Variants in GNG4 observed in about 807,000 individuals in gnomAD.
The protein encoded by GNG4 is G protein subunit gamma 4.
In GNG4, 4 loss-of-function variants were observed where a neutral mutation model predicts 5.8. The ratio of observed to expected loss-of-function variants is 0.69; its 90% CI spans 0.34 to 1.57. GNG4 has a LOEUF of 1.57. Ranked by LOEUF, GNG4 falls within the 40% of genes most tolerant of loss-of-function variation. GNG4 has a pLI of 0.06. For synonymous variants in GNG4, 29 were observed against 32.9 expected, an observed-to-expected ratio of 0.88 and a Z score of 0.41; for missense variants, 96 against 95.1, an observed-to-expected ratio of 1.01 and a Z score of -0.04.
At chr1:235,598,091 C>T (rs936872397) in intron 1 of GNG4, among the ~76,000 whole-genome samples, 1 of 152,138 alleles carries the variant, frequency 6.6e-6, no homozygotes, top group African/African-American at 2.4e-5. Context: ...ACTACACTCC[C>T]CAGCCCACTG....
At position 235,580,742 on chromosome 1, in the gene GNG4, TTTTG is replaced by T. The variant is rs1332631624; in HGVS notation, c.99+2994_99+2997del. Reference sequence around the variant, plus strand: ...CAGCAACATGGCGGCCTATCCCGTTTTTTGTTTTTTTTTTTTTTTTTTTCCTGAG... The same window carrying T: ...CAGCAACATGGCGGCCTATCCCGTTTTTTTTTTTTTTTTTTTTTTCCTGAG... On this transcript the variant is annotated intron_variant, in intron 3 of 3. Transcript: ENST00000391854. Among the ~76,000 whole-genome samples the T allele has an allele frequency of 2.3e-3, 293 of 129,930 alleles. 9 individuals are homozygous for T. The highest frequency in any genetic ancestry group is 0.01 in the African/African-American group (280 of 26,702). 85.2% of individuals were successfully genotyped at this position (129,930 alleles called of 152,430 possible). A position where few individuals can be genotyped will look rare whatever the true frequency, so the allele number is the denominator to read the frequency against.
At chr1:235,561,456 G>A (rs150099477) in intron 3 of GNG4, among the ~76,000 whole-genome samples, 5 of 151,552 alleles carry the variant, frequency 3.3e-5, no homozygotes, top group African/African-American at 7.3e-5. Flanking sequence ...TCTGCCACCC[G>A]GCTGGACTGC....
rs556050359 is a variant in GNG4, at chr1:235,559,390, T to G, written c.100-7153A>C. Among the ~76,000 whole-genome samples, 12 of 152,274 alleles carry G rather than the reference T, an allele frequency of 7.9e-5. No homozygotes were observed. In the South Asian group the frequency reaches 2.3e-3, roughly 29 times the overall value. On this transcript the variant is annotated intron_variant, in intron 3 of 3. Transcript: ENST00000391854. Reference sequence around the variant, plus strand: ...ACATTACAGGTATATACCTCACCTTTAAATTCTCAGAAAGCACTGCAGGGT... The same window carrying G: ...ACATTACAGGTATATACCTCACCTTGAAATTCTCAGAAAGCACTGCAGGGT...
intron 1 of GNG4, among the ~76,000 whole-genome samples, chr1:235,610,594 G>T (rs1226550636): frequency 6.6e-6 from 1 of 152,116 alleles, no homozygotes; most frequent in Non-Finnish European, 1.5e-5. Context: ...AATTGTCCTG[G>T]ATTTGGCCAG....
chr1:235,591,819 T>G (rs1199217945), intron 2 of GNG4, among the ~76,000 whole-genome samples: 1 of 152,168 alleles, frequency 6.6e-6, no homozygotes, highest in African/African-American at 2.4e-5. Flanking sequence ...TCTTCCCAGG[T>G]ATACAGGAAT....
chr1:235,617,410 G>A (rs1239337396), intron 1 of GNG4, among the ~76,000 whole-genome samples: 1 of 152,162 alleles, frequency 6.6e-6, no homozygotes, highest in Non-Finnish European at 1.5e-5. Flanking sequence ...CAGAATGCTG[G>A]GTATTGATTT....
At chr1:235,561,462 A>G (rs2102917824) in intron 3 of GNG4, among the ~76,000 whole-genome samples, 1 of 151,334 alleles carries the variant, frequency 6.6e-6, no homozygotes, top group East Asian at 1.9e-4. Flanking sequence ...ACCCGGCTGG[A>G]CTGCAGTGGT....
Position 235,556,604 on chromosome 1 carries a change from C to T in GNG4, c.100-4367G>A, listed in dbSNP as rs192307006. ...GAGACAGCCAGAATTTGAAGCTAAG[C>T]TGTACTGTACTACAGCCGTCCCCAA... On this transcript the variant is annotated intron_variant, in intron 3 of 3. Coordinates refer to ENST00000391854, the MANE Select transcript of GNG4 (RefSeq NM_001098722.2). Among the ~76,000 whole-genome samples, 754 of 149,420 alleles carry T rather than the reference C, an allele frequency of 5.0e-3. 8 individuals are homozygous for T. Among genetic ancestry groups the T allele is most frequent in the Non-Finnish European group, 5.3e-3 (361 of 67,592 alleles).
At chr1:235,596,204 C>T (rs1413749808) in intron 1 of GNG4, among the ~76,000 whole-genome samples, 16 of 105,190 alleles carry the variant, frequency 1.5e-4, no homozygotes, top group African/African-American at 6.6e-4. Context: ...AACAAACAAA[C>T]AAAATACACA....
At chr1:235,609,256 G>T (rs1688427929) in intron 1 of GNG4, among the ~76,000 whole-genome samples, 1 of 151,752 alleles carries the variant, frequency 6.6e-6, no homozygotes, top group African/African-American at 2.4e-5. Context: ...TAGTTTATCG[G>T]CCCATCTGCT....
chr1:235,576,685 T>C (rs74406286), intron 3 of GNG4, among the ~76,000 whole-genome samples: 17,386 of 152,166 alleles, frequency 0.11, 1,389 homozygotes, highest in Middle Eastern at 0.21. Context: ...CTAGGCAAGA[T>C]GAAGAGTCAC....
chr1:235,594,513 G>C (rs1006071568), intron 2 of GNG4, among the ~76,000 whole-genome samples: 1 of 152,202 alleles, frequency 6.6e-6, no homozygotes, highest in Non-Finnish European at 1.5e-5. Context: ...CTCAGGCCGT[G>C]CAGGAGCCCA....
At chr1:235,573,792 TAA>T (rs1558480275) in intron 3 of GNG4, among the ~76,000 whole-genome samples, 1 of 150,562 alleles carries the variant, frequency 6.6e-6, no homozygotes, top group African/African-American at 2.4e-5. Context: ...AAAGGAAAAA[TAA>T]AAAAAGACTC....
At chr1:235,570,047 T>C (rs1571883046) in intron 3 of GNG4, among the ~76,000 whole-genome samples, 1 of 152,200 alleles carries the variant, frequency 6.6e-6, no homozygotes, top group African/African-American at 2.4e-5. Context: ...GGCAAGCAGT[T>C]TGGACCTGCA....
chr1:235,562,037 G>C (rs969380923), intron 3 of GNG4, among the ~76,000 whole-genome samples: 1 of 152,182 alleles, frequency 6.6e-6, no homozygotes, highest in African/African-American at 2.4e-5. Context: ...ATGTTCAGTT[G>C]TTCTTACAGT....
Position 235,635,356 on chromosome 1 carries a change from T to C in GNG4, c.-123+14306A>G, listed in dbSNP as rs186005220. 1.3e-4 allele frequency among the ~76,000 whole-genome samples: 19 copies of C among 151,992 alleles called. 1 individual carries two copies. The highest frequency in any genetic ancestry group is 1.2e-3 in the Admixed American group (18 of 15,276). On this transcript the variant is annotated intron_variant, in intron 1 of 3. Coordinates refer to ENST00000391854, the MANE Select transcript of GNG4 (RefSeq NM_001098722.2). ...TACTAAAAATACAAAATGATTCAGG[T>C]GTGGTGGTATGCGCCTGTAATCCCA...
intron 1 of GNG4, among the ~76,000 whole-genome samples, chr1:235,645,797 C>CAAAAAAAAAAAAAAAAAAA (rs6143682): frequency 1.1e-5 from 1 of 90,384 alleles, no homozygotes; most frequent in African/African-American, 4.1e-5. Flanking sequence ...AACTCAGTCT[C>CAAAAAAAAAAAAAAAAAAA]AAAAAAAAAA....
chr1:235,626,958 C>CAAAAAAAAAAAAAAAAA (rs776506587), intron 1 of GNG4, among the ~76,000 whole-genome samples: 2 of 77,396 alleles, frequency 2.6e-5, no homozygotes, highest in Non-Finnish European at 5.0e-5. Context: ...GACTCTATCT[C>CAAAAAAAAAAAAAAAAA]AAAAAAAAAA....
intron 3 of GNG4, among the ~76,000 whole-genome samples, chr1:235,554,092 A>T (rs371943): frequency 0.66 from 99,795 of 151,546 alleles, 33,719 homozygotes; most frequent in East Asian, 0.85. Context: ...CACAAGGAGC[A>T]GGAGCACAGG....
Sources: allele counts gnomAD v4.1 joint callset (sites outside exome capture counted in the v4.1 genomes callset), GRCh38; gene constraint gnomAD v4.1.1; transcripts MANE v1.5; gene names NCBI Gene and HGNC (gene_info 2026-07-23, HGNC 2026-07-21).